The following VAV3 variants were observed in gnomAD, a reference collection of about 807,000 sequenced individuals.
The protein encoded by VAV3 is guanine nucleotide exchange factor VAV3.
VAV3 carries 94 observed loss-of-function variants against 131.2 expected under a neutral mutation model. That is an observed-to-expected ratio of 0.72 (90% confidence interval 0.61 to 0.85). The LOEUF (loss-of-function observed/expected upper bound fraction) is 0.85, where lower values mean the gene tolerates loss of function less well. Ranked by LOEUF, VAV3 falls within the 40% of genes least tolerant of loss-of-function variation. The probability of loss-of-function intolerance (pLI) is 0.00; values close to 1 mark genes in which losing one functional copy is unlikely to be tolerated. For missense variants in VAV3, 939 were observed against 1,002.7 expected, an observed-to-expected ratio of 0.94 and a Z score of 0.86; for synonymous variants, 349 against 342.0, an observed-to-expected ratio of 1.02 and a Z score of -0.22.
intron 2 of VAV3, among the ~76,000 whole-genome samples, chr1:107,807,493 C>T (rs1006196126): frequency 1.3e-5 from 2 of 152,182 alleles, no homozygotes; most frequent in African/African-American, 4.8e-5. Flanking sequence ...AACACACTTG[C>T]TACTCAAGGG....
intron 1 of VAV3, among the ~76,000 whole-genome samples, chr1:107,955,839 C>G (rs1352095027): frequency 6.6e-6 from 1 of 152,166 alleles, no homozygotes; most frequent in African/African-American, 2.4e-5. Context: ...ATCCCATGGT[C>G]CATCAGGAAC....
At chr1:107,833,091 C>A (rs79727305) in intron 2 of VAV3, among the ~76,000 whole-genome samples, 2 of 151,954 alleles carry the variant, frequency 1.3e-5, no homozygotes, top group Non-Finnish European at 2.9e-5. Context: ...TTAAGCTTAG[C>A]GAGGAAGGCA....
chr1:107,601,745 T>C (rs555076845), intron 24 of VAV3, among the ~76,000 whole-genome samples: 75 of 152,036 alleles, frequency 4.9e-4, no homozygotes, highest in African/African-American at 1.8e-3. Context: ...CAAAATATTC[T>C]TATATGCTAA....
At chr1:107,793,743 G>A (rs1051116020) in intron 2 of VAV3, among the ~76,000 whole-genome samples, 8 of 152,176 alleles carry the variant, frequency 5.3e-5, no homozygotes, top group African/African-American at 1.7e-4. Flanking sequence ...TTTTTAGCTG[G>A]AGAATGAACT....
At chr1:107,891,883 A>G (rs1238212791) in intron 1 of VAV3, among the ~76,000 whole-genome samples, 11 of 148,600 alleles carry the variant, frequency 7.4e-5, no homozygotes, top group Admixed American at 6.7e-4. Flanking sequence ...GGGTCAGACC[A>G]GGCTGCTTTC....
At chr1:107,673,309 AT>A (rs1657956430) in intron 19 of VAV3, among the ~76,000 whole-genome samples, 1 of 152,096 alleles carries the variant, frequency 6.6e-6, no homozygotes, top group African/African-American at 2.4e-5. Context: ...CAATTCCTTG[AT>A]GTGCATCAAC....
At chr1:107,917,460 A>C (rs927449998) in intron 1 of VAV3, among the ~76,000 whole-genome samples, 2 of 152,172 alleles carry the variant, frequency 1.3e-5, no homozygotes, top group Non-Finnish European at 2.9e-5. Flanking sequence ...GGTCTATCTG[A>C]CTCAGCTTAC....
At chr1:107,681,905 C>A (rs1658655776) in intron 19 of VAV3, among the ~76,000 whole-genome samples, 2 of 152,198 alleles carry the variant, frequency 1.3e-5, no homozygotes, top group South Asian at 4.1e-4. Flanking sequence ...CGTGATCCGC[C>A]GGCCTTGACC....
intron 1 of VAV3, among the ~76,000 whole-genome samples, chr1:107,948,554 A>G (rs1674378025): frequency 6.6e-6 from 1 of 152,222 alleles, no homozygotes; most frequent in African/African-American, 2.4e-5. Flanking sequence ...TCTTTCAACA[A>G]TAAAGCTGGC....
intron 2 of VAV3, 28 bp from the exon 3 acceptor site, chr1:107,779,520 A>T: frequency 6.5e-7 from 1 of 1,541,368 alleles, no homozygotes; most frequent in Non-Finnish European, 8.8e-7. Context: ...TACTAATTAG[A>T]TATGTAGTTC....
intron 15 of VAV3, among the ~76,000 whole-genome samples, chr1:107,722,840 C>CTCTCTTTTTTTT (rs371987024): frequency 2.3e-5 from 3 of 129,812 alleles, no homozygotes; most frequent in Non-Finnish European, 3.2e-5. Flanking sequence ...ATTATCCTCT[C>CTCTCTTTTTTTT]TTTTTTTTTT....
intron 15 of VAV3, among the ~76,000 whole-genome samples, chr1:107,747,458 T>A (rs1352234086): frequency 6.6e-6 from 1 of 152,212 alleles, no homozygotes; most frequent in Non-Finnish European, 1.5e-5. Flanking sequence ...ATTCAAATTG[T>A]TTAACTCCAA....
intron 19 of VAV3, among the ~76,000 whole-genome samples, chr1:107,681,038 C>T (rs1381480476): frequency 1.3e-5 from 2 of 152,176 alleles, no homozygotes; most frequent in Non-Finnish European, 1.5e-5. Context: ...CTGGACTATG[C>T]ATTAAGTTCC....
rs1473281701 is a variant in VAV3 at position 107,780,245 on chromosome 1, CTATT to C, written c.322-757_322-754del. ...AGGATTAAATAAGCTAGCACGTAAA[CTATT>C]TAAATAGTAGCTATTCTGTATAATC... On this transcript the variant is annotated intron_variant, in intron 2 of 26. Coordinates refer to ENST00000370056, the MANE Select transcript of VAV3 (RefSeq NM_006113.5). Among the ~76,000 whole-genome samples the C allele has an allele frequency of 9.2e-5, 14 of 152,282 alleles. No homozygotes were observed. In the East Asian group the frequency reaches 2.7e-3, roughly 29 times the overall value.
intron 1 of VAV3, among the ~76,000 whole-genome samples, chr1:107,951,061 A>T (rs1674509145): frequency 6.6e-6 from 1 of 152,180 alleles, no homozygotes; most frequent in African/African-American, 2.4e-5. Context: ...GACAAATGCA[A>T]ATGGTATGGC....
intron 2 of VAV3, among the ~76,000 whole-genome samples, chr1:107,790,079 C>T (rs1666209234): frequency 3.3e-5 from 5 of 152,192 alleles, no homozygotes; most frequent in Non-Finnish European, 7.3e-5. Context: ...CATGCCATCC[C>T]AAAGCCCCCC....
chr1:107,795,339 G>A (rs79454271), intron 2 of VAV3, among the ~76,000 whole-genome samples: 3,666 of 152,098 alleles, frequency 0.024, 63 homozygotes, highest in Non-Finnish European at 0.04. Flanking sequence ...ACATATCCTC[G>A]GTGCTATATA....
At chr1:107,803,358 C>A (rs1401522407) in intron 2 of VAV3, among the ~76,000 whole-genome samples, 1 of 151,818 alleles carries the variant, frequency 6.6e-6, no homozygotes, top group Non-Finnish European at 1.5e-5. Flanking sequence ...CATTTGAAGT[C>A]TTTATATTTT....
intron 1 of VAV3, among the ~76,000 whole-genome samples, chr1:107,924,897 A>C (rs1379881404): frequency 1.3e-5 from 2 of 152,202 alleles, no homozygotes; most frequent in African/African-American, 4.8e-5. Context: ...GTTAAAAGCC[A>C]CTCTTAGTTC....
Sources: gnomAD v4.1 joint callset for allele counts (sites outside exome capture counted in the v4.1 genomes callset) on GRCh38, gnomAD v4.1.1 for gene constraint, MANE v1.5 for transcripts, NCBI Gene and HGNC (gene_info 2026-07-23, HGNC 2026-07-21) for gene names.